Variants in IL1RAPL1 observed in about 807,000 individuals in gnomAD.
IL1RAPL1 encodes the protein interleukin 1 receptor accessory protein like 1, also known as interleukin-1 receptor accessory protein-like 1.
A neutral mutation model predicts 48.4 loss-of-function variants in IL1RAPL1; 3 were observed. That is an observed-to-expected ratio of 0.06 (90% CI 0.03 to 0.16). The LOEUF (loss-of-function observed/expected upper bound fraction) is 0.16. Among genes scored for constraint, IL1RAPL1 ranks in the 10% least tolerant of loss-of-function variants. The probability of loss-of-function intolerance (pLI) is 1.00; values close to 1 mark genes in which losing one functional copy is unlikely to be tolerated. For missense variants in IL1RAPL1, 349 were observed against 530.6 expected (o/e 0.66, Z 3.36); for synonymous variants, 185 against 187.7 (o/e 0.99, Z 0.12).
chrX:28,949,968 C>G (rs1426591830), intron 2 of IL1RAPL1, among the ~76,000 whole-genome samples: 1 of 110,614 alleles, frequency 9.0e-6, no homozygotes, highest in African/African-American at 3.3e-5. Flanking sequence ...TCAATTTTGT[C>G]TTTTGTTGCC....
intron 5 of IL1RAPL1, among the ~76,000 whole-genome samples, chrX:29,630,711 T>G (rs758233190): frequency 3.7e-4 from 41 of 111,051 alleles, no homozygotes; most frequent in Admixed American, 5.7e-4. Context: ...GCTAATTTTT[T>G]GTATTTTTAG....
chrX:29,674,717 C>T (rs1926228394), intron 6 of IL1RAPL1, among the ~76,000 whole-genome samples: 1 of 111,787 alleles, frequency 8.9e-6, no homozygotes, highest in Non-Finnish European at 1.9e-5. Flanking sequence ...TCTCTCTCCT[C>T]CCACCTTCCA....
chrX:29,083,688 C>G (rs1040633138), intron 2 of IL1RAPL1, among the ~76,000 whole-genome samples: 7 of 111,722 alleles, frequency 6.3e-5, no homozygotes, highest in African/African-American at 2.3e-4. Context: ...TGAACTAAAT[C>G]ATTCCTAATA....
At chrX:28,830,615 T>A (rs2147285969) in intron 2 of IL1RAPL1, among the ~76,000 whole-genome samples, 1 of 111,940 alleles carries the variant, frequency 8.9e-6, no homozygotes, top group African/African-American at 3.2e-5. Flanking sequence ...CAATCGCTGA[T>A]TTCAAGTCTG....
intron 2 of IL1RAPL1, among the ~76,000 whole-genome samples, chrX:29,249,637 ACT>A (rs990968798): frequency 2.7e-5 from 3 of 111,732 alleles, no homozygotes; most frequent in Non-Finnish European, 5.6e-5. Flanking sequence ...TATGAATCTG[ACT>A]CACATTCTAT....
intron 2 of IL1RAPL1, among the ~76,000 whole-genome samples, chrX:28,904,280 G>T (rs1045927616): frequency 1.8e-5 from 2 of 111,580 alleles, no homozygotes; most frequent in Non-Finnish European, 3.8e-5. Context: ...TGGAAAAAAG[G>T]GTATATAAAA....
chrX:29,353,403 T>G (rs763077682), intron 3 of IL1RAPL1, among the ~76,000 whole-genome samples: 1 of 111,834 alleles, frequency 8.9e-6, no homozygotes, highest in Non-Finnish European at 1.9e-5. Flanking sequence ...TTCAGATTTT[T>G]AAAAAATCAA....
At chrX:29,738,450 C>CTTTTTTTTTTTT (rs59952038) in intron 6 of IL1RAPL1, among the ~76,000 whole-genome samples, 10 of 86,161 alleles carry the variant, frequency 1.2e-4, no homozygotes, top group African/African-American at 1.4e-4. Context: ...CTTTTCTTTT[C>CTTTTTTTTTTTT]TTTTTTTTTT....
intron 2 of IL1RAPL1, among the ~76,000 whole-genome samples, chrX:29,006,645 ATATGTGTGTGTG>A (rs1456800513): frequency 2.2e-4 from 18 of 80,066 alleles, no homozygotes; most frequent in African/African-American, 8.4e-4. Context: ...GTGTTTATAT[ATATGTGTGTGTG>A]TGTGTGTGTG....
intron 6 of IL1RAPL1, among the ~76,000 whole-genome samples, chrX:29,901,986 G>T (rs149014892): frequency 3.1e-3 from 349 of 112,092 alleles, no homozygotes; most frequent in African/African-American, 0.011. Flanking sequence ...ATTATAAGCA[G>T]ATCTGATGTT....
intron 1 of IL1RAPL1, among the ~76,000 whole-genome samples, chrX:28,665,319 C>T (rs758385795): frequency 8.1e-5 from 9 of 111,036 alleles, no homozygotes; most frequent in South Asian, 3.8e-4. Context: ...AGTTACAGGA[C>T]GCCCAGATAT....
Position 28,723,527 on chromosome X carries a change from C to A in IL1RAPL1, c.-24-65793C>A, listed in dbSNP as rs111530133. Among the ~76,000 whole-genome samples, 786 of 111,135 alleles carry A rather than the reference C, an allele frequency of 7.1e-3. 11 individuals are homozygous for A. Among genetic ancestry groups the A allele is most frequent in the African/African-American group, 0.024 (734 of 30,618 alleles). On this transcript the variant is annotated intron_variant, in intron 1 of 10. Transcript: ENST00000378993. ...TGCTAGCAGTCTATCAATTTTGTTG[C>A]TCTTTTCAAAAAAGCAGCTTCTGGA... is the stretch of plus-strand genomic sequence containing the variant.
intron 1 of IL1RAPL1, among the ~76,000 whole-genome samples, chrX:28,723,173 A>G (rs187511703): frequency 7.9e-4 from 88 of 111,289 alleles, no homozygotes; most frequent in African/African-American, 2.8e-3. Context: ...GTATGGTTCC[A>G]TCTCCTCCTT....
intron 2 of IL1RAPL1, among the ~76,000 whole-genome samples, chrX:29,026,804 A>G (rs1216619997): frequency 8.9e-6 from 1 of 112,024 alleles, no homozygotes; most frequent in African/African-American, 3.2e-5. Flanking sequence ...ATTTGTATCA[A>G]AATAATGTAG....
intron 2 of IL1RAPL1, among the ~76,000 whole-genome samples, chrX:29,225,925 G>A (rs1235525894): frequency 9.0e-6 from 1 of 111,490 alleles, no homozygotes; most frequent in South Asian, 3.8e-4. Flanking sequence ...GGAGGTAATA[G>A]GCCTATCTAT....
rs1019599005 is a variant in IL1RAPL1 at position 28,933,855 on chromosome X, A to G, written c.82+144430A>G. 1.6e-4 allele frequency among the ~76,000 whole-genome samples: 18 copies of G among 111,940 alleles called. No individual in the cohort carries two copies. The South Asian group carries it at 1.9e-3, about 12-fold the overall frequency. ...AACTGAGGGATCCTCCCCCTTTTAAACCATGTAGGGTAACTTTTGGATGTT... is the reference window on the plus strand; with the variant it reads ...AACTGAGGGATCCTCCCCCTTTTAAGCCATGTAGGGTAACTTTTGGATGTT... On this transcript the variant is annotated intron_variant, in intron 2 of 10. Transcript: ENST00000378993.
chrX:29,842,620 A>G (rs1194092226), intron 6 of IL1RAPL1, among the ~76,000 whole-genome samples: 1 of 112,113 alleles, frequency 8.9e-6, no homozygotes, highest in African/African-American at 3.2e-5. Flanking sequence ...TACTTCATTC[A>G]TGTGAAGATG....
chrX:28,667,765 G>C (rs1424570885), intron 1 of IL1RAPL1, among the ~76,000 whole-genome samples: 1 of 111,889 alleles, frequency 8.9e-6, no homozygotes, highest in Non-Finnish European at 1.9e-5. Flanking sequence ...TGGGGTTCTG[G>C]TGAGAACCCT....
chrX:28,742,737 A>T (rs1935925544), intron 1 of IL1RAPL1, among the ~76,000 whole-genome samples: 1 of 112,189 alleles, frequency 8.9e-6, no homozygotes, highest in Admixed American at 9.5e-5. Flanking sequence ...GTGTTCAGTT[A>T]AATAATTTCA....
Sources: allele counts gnomAD v4.1 joint callset (sites outside exome capture counted in the v4.1 genomes callset), GRCh38; gene constraint gnomAD v4.1.1; transcripts MANE v1.5; gene names NCBI Gene and HGNC (gene_info 2026-07-23, HGNC 2026-07-21).